The following FBXO5 variants were observed in gnomAD, a reference collection of about 807,000 sequenced individuals.
The protein encoded by FBXO5 is F-box only protein 5.
Under a neutral mutation model 43.3 loss-of-function variants are expected in FBXO5, and 8 were observed. That is an observed-to-expected ratio of 0.18 (90% CI 0.11 to 0.33). FBXO5 has a LOEUF of 0.33. FBXO5 is among the 10% of genes least tolerant of loss of function. The probability of loss-of-function intolerance (pLI) is 1.00; values close to 1 mark genes in which losing one functional copy is unlikely to be tolerated. For missense variants in FBXO5, 491 were observed against 535.7 expected (o/e 0.92, Z 0.82); for synonymous variants, 204 against 193.7 (o/e 1.05, Z -0.44).
In FBXO5 at chr6:152,975,434, C is replaced by T; in HGVS notation, c.291G>A (p.Gly97=). Residue 97 remains glycine (G), a synonymous_variant, in exon 2 of 5, where the codon GGG becomes GGA. Coordinates refer to ENST00000229758, the MANE Select transcript of FBXO5 (RefSeq NM_012177.5). ...CAATCCTAGGGCTCACAATCGGTGACCCAATACATGACAGCCTTTCATAGT... is the reference window on the plus strand; with the variant it reads ...CAATCCTAGGGCTCACAATCGGTGATCCAATACATGACAGCCTTTCATAGT... ...IKDYERLSCI[G]SPIVSPRIVQ... is the part of the protein sequence containing the mutation. 6.2e-7 allele frequency: 1 copy of T among 1,614,024 alleles called. No individual in the cohort carries two copies.
Position 152,970,636 on chromosome 6 carries a change from C to G in FBXO5, c.*527G>C, listed in dbSNP as rs1179933035. 6.6e-6 allele frequency: 1 copy of G among 152,010 alleles called. No individual in the cohort carries two copies. The highest frequency in any genetic ancestry group is 6.6e-5 in the Admixed American group (1 of 15,262). The allele number at this position is 152,010 out of a possible 1,614,324, so 9.4% of individuals were successfully genotyped here. On this transcript the variant is annotated 3_prime_UTR_variant, in exon 5 of 5. Transcript: ENST00000229758. ...TTACATGTATACAAAAATATTAAAA[C>G]AGATTTCAGAAATAAGGAAAACAAG... is the stretch of plus-strand genomic sequence containing the variant.
At chr6:152,976,585 C>A (rs964713387) in intron 1 of FBXO5, among the ~76,000 whole-genome samples, 2 of 152,174 alleles carry the variant, frequency 1.3e-5, no homozygotes, top group African/African-American at 2.4e-5. Flanking sequence ...ATAAGAATGA[C>A]ACTCTAATCA....
chr6:152,975,555 T>C lies in FBXO5; in HGVS notation c.170A>G (p.His57Arg). The C allele has an allele frequency of 6.2e-7, 1 of 1,612,380 alleles. No individual in the cohort carries two copies. Among genetic ancestry groups the C allele is most frequent in the South Asian group, 1.1e-5 (1 of 90,608 alleles). ...MKCDFNCNHVHSGLKLVKPDD... is the reference protein window; with the variant it reads ...MKCDFNCNHVRSGLKLVKPDD... ...AGGTTTTACCAGTTTAAGTCCGGAA[T>C]GAACATGGTTACAATTAAAATCACA... The change falls in exon 2 of 5, where the codon CAT becomes CGT. Residue 57 changes from histidine to arginine, a missense_variant. Coordinates refer to ENST00000229758, the MANE Select transcript of FBXO5 (RefSeq NM_012177.5).
intron 3 of FBXO5, 116 bp from the exon 4 acceptor site, chr6:152,972,570 C>T: frequency 2.7e-6 from 2 of 738,814 alleles, no homozygotes; most frequent in South Asian, 4.3e-5. Flanking sequence ...AGAGACTTAT[C>T]CCTACATGCA....
At chr6:152,981,993 A>G (rs1778267605) in intron 1 of FBXO5, among the ~76,000 whole-genome samples, 1 of 152,238 alleles carries the variant, frequency 6.6e-6, no homozygotes. Context: ...TTATCGGGAA[A>G]AAGTCACCAA....
upstream of FBXO5, chr6:152,983,422 C>T (rs988703073): frequency 6.4e-6 from 1 of 156,302 alleles, no homozygotes; most frequent in African/African-American, 2.4e-5. Context: ...TGGCTTCCAT[C>T]TGGAGATCTT....
Position 152,975,264 on chromosome 6 carries a change from C to T in FBXO5, c.461G>A (p.Ser154Asn), listed in dbSNP as rs1370945318. The T allele has an allele frequency of 1.2e-6, 2 of 1,614,130 alleles. No homozygotes were observed. Among genetic ancestry groups the T allele is most frequent in the Non-Finnish European group, 1.7e-6 (2 of 1,180,008 alleles). Reference protein sequence around the residue: ...DSGYSSFSLQSGLSEHEEGSL... With the variant: ...DSGYSSFSLQNGLSEHEEGSL... The stretch of plus-strand genomic sequence containing the variant: ...ACCTTCTTCATGTTCACTGAGGCCA[C>T]TTTGTAGAGAAAATGAGGAATAGCC... Residue 154 changes from serine (S) to asparagine (N), a missense_variant, in exon 2 of 5, where the codon AGT (serine) becomes AAT (asparagine). Coordinates refer to ENST00000229758, the MANE Select transcript of FBXO5 (RefSeq NM_012177.5).
chr6:152,971,046 A>T lies in FBXO5; in HGVS notation c.*117T>A. On this transcript the variant is annotated 3_prime_UTR_variant, in exon 5 of 5. Coordinates refer to ENST00000229758, the MANE Select transcript of FBXO5 (RefSeq NM_012177.5). Reference sequence around the variant, plus strand: ...TATCTTCTGGGGGGAAAAAAACCTCAGGATACTACACCGATTTCAACATAA... The same window carrying T: ...TATCTTCTGGGGGGAAAAAAACCTCTGGATACTACACCGATTTCAACATAA... 9.9e-7 allele frequency: 1 copy of T among 1,009,968 alleles called. No individual in the cohort carries two copies. Among genetic ancestry groups the T allele is most frequent in the Non-Finnish European group, 1.4e-6 (1 of 722,456 alleles). 62.6% of individuals were successfully genotyped at this position (1,009,968 alleles called of 1,614,324 possible).
intron 1 of FBXO5, among the ~76,000 whole-genome samples, chr6:152,978,007 T>A (rs758999226): frequency 5.9e-5 from 9 of 152,184 alleles, no homozygotes; most frequent in Non-Finnish European, 1.3e-4. Context: ...TGGGGAATTG[T>A]TATTTTTACA....
At position 152,976,630 on chromosome 6, in the gene FBXO5, G is replaced by A. The variant is rs567925812; in HGVS notation, c.104-1009C>T. ...ATTTAAGAATATGAGTGATAGGGCAGCAGGTGTAAATTACTGTTCAATTGC... is the reference window on the plus strand; with the variant it reads ...ATTTAAGAATATGAGTGATAGGGCAACAGGTGTAAATTACTGTTCAATTGC... On this transcript the variant is annotated intron_variant, in intron 1 of 4. Coordinates refer to ENST00000229758, the MANE Select transcript of FBXO5 (RefSeq NM_012177.5). 5.3e-5 allele frequency among the ~76,000 whole-genome samples: 8 copies of A among 152,336 alleles called. No individual in the cohort carries two copies. The South Asian group carries it at 1.7e-3, about 32-fold the overall frequency.
Position 152,982,960 on chromosome 6 carries a change from G to A in FBXO5, c.-1C>T, listed in dbSNP as rs1331868700. 3 of 1,403,272 alleles carry A rather than the reference G, an allele frequency of 2.1e-6. No homozygotes were observed. The South Asian group carries it at 4.7e-5, about 22-fold the overall frequency. The allele number at this position is 1,403,272 out of a possible 1,614,324, so 86.9% of individuals were successfully genotyped here. A position where few individuals can be genotyped will look rare whatever the true frequency, so the allele number is the denominator to read the frequency against. On this transcript the variant is annotated 5_prime_UTR_variant, in exon 1 of 5. Coordinates refer to ENST00000229758, the MANE Select transcript of FBXO5 (RefSeq NM_012177.5). ...CGCAGCTGCAGGGGCGCCGGCTCAT[G>A]CCAGCCGACGTGGAGTCTGCCTCAG...
chr6:152,982,827 G>T (rs1562293480), intron 1 of FBXO5, 30 bp downstream of exon 1: 3 of 1,435,074 alleles, frequency 2.1e-6, no homozygotes, highest in Non-Finnish European at 2.8e-6. Context: ...TGGCGTGCGC[G>T]CCCCCCTCGC....
At chr6:152,981,041 A>C (rs1778251000) in intron 1 of FBXO5, among the ~76,000 whole-genome samples, 1 of 152,236 alleles carries the variant, frequency 6.6e-6, no homozygotes, top group Non-Finnish European at 1.5e-5. Context: ...TTTCACAAAG[A>C]AGTATATATT....
At position 152,978,377 on chromosome 6, in the gene FBXO5, T is replaced by TTGGG. The variant is rs1491205604; in HGVS notation, c.104-2757_104-2756insCCCA. On this transcript the variant is annotated intron_variant, in intron 1 of 4. Transcript: ENST00000229758. Reference sequence around the variant, plus strand: ...ATTAATCATGGAGAGCTTCATTTTTTGGGGGGGGGGGGGGGGCGGGGGACT... The same window carrying TTGGG: ...ATTAATCATGGAGAGCTTCATTTTTTTGGGGGGGGGGGGGGGGGGGCGGGGGACT... Among the ~76,000 whole-genome samples, 4 of 21,126 alleles carry TTGGG rather than the reference T, an allele frequency of 1.9e-4. 1 individual carries two copies. The highest frequency in any genetic ancestry group is 4.0e-4 in the African/African-American group (2 of 4,982). The allele number at this position is 21,126 out of a possible 152,430, so 13.9% of individuals were successfully genotyped here.
At chr6:152,973,500 C>G (rs1174924677) in intron 2 of FBXO5, 1 of 159,164 alleles carries the variant, frequency 6.3e-6, no homozygotes, top group South Asian at 1.7e-4. Context: ...TCTAGGCACA[C>G]TGCTATTAGA....
intron 1 of FBXO5, among the ~76,000 whole-genome samples, chr6:152,982,535 G>A (rs1300387702): frequency 1.3e-5 from 2 of 152,136 alleles, no homozygotes; most frequent in Admixed American, 6.5e-5. Context: ...GGTGGGGTAG[G>A]TGGGTCTTCC....
At chr6:152,971,496 C>T (rs951735012) in intron 4 of FBXO5, 82 bp from the exon 5 acceptor site, 41 of 1,362,910 alleles carry the variant, frequency 3.0e-5, no homozygotes, top group Non-Finnish European at 3.6e-5. Context: ...GACACCCTTG[C>T]ACCTTCCCCA....
intron 1 of FBXO5, among the ~76,000 whole-genome samples, chr6:152,980,751 T>C (rs1463667303): frequency 6.6e-6 from 1 of 152,184 alleles, no homozygotes; most frequent in Non-Finnish European, 1.5e-5. Context: ...GATCTGGATA[T>C]GAAGAAAAGG....
At position 152,974,204 on chromosome 6, in the gene FBXO5, C is replaced by T. The variant is rs1778127739; in HGVS notation, c.818+703G>A. ...CTGGGTGACTGGAGTGAAACCCTGT[C>T]TCAAAAAAAAAAAAAAGTCACAAAT... On this transcript the variant is annotated intron_variant, in intron 2 of 4. Transcript: ENST00000229758. 2.0e-5 allele frequency among the ~76,000 whole-genome samples: 3 copies of T among 149,104 alleles called. No homozygotes were observed. The South Asian group carries it at 6.4e-4, about 32-fold the overall frequency.
Sources: gnomAD v4.1 joint callset for allele counts (sites outside exome capture counted in the v4.1 genomes callset) on GRCh38, gnomAD v4.1.1 for gene constraint, MANE v1.5 for transcripts, NCBI Gene and HGNC (gene_info 2026-07-23, HGNC 2026-07-21) for gene names.